HPSE2: variants seen among roughly 807,000 people sequenced by gnomAD.
The protein encoded by HPSE2 is heparanase 2 (inactive).
HPSE2 carries 38 observed loss-of-function variants against 60.5 expected under a neutral mutation model. The ratio of observed to expected loss-of-function variants is 0.63; its 90% CI spans 0.48 to 0.82. The LOEUF (loss-of-function observed/expected upper bound fraction) is 0.82, where lower values mean the gene tolerates loss of function less well. HPSE2 is among the 40% of genes least tolerant of loss of function. The pLI is 0.00. For missense variants in HPSE2, 713 were observed against 740.4 expected (o/e 0.96, Z 0.43); for synonymous variants, 295 against 293.2 (o/e 1.01, Z -0.06).
chr10:98,897,292 T>C (rs1027654129), intron 3 of HPSE2, among the ~76,000 whole-genome samples: 1 of 152,130 alleles, frequency 6.6e-6, no homozygotes, highest in Non-Finnish European at 1.5e-5. Context: ...AAAGAAGTTA[T>C]TCGTGTAACC....
intron 3 of HPSE2, among the ~76,000 whole-genome samples, chr10:98,763,810 T>A (rs1361869488): frequency 2.0e-5 from 3 of 148,908 alleles, no homozygotes; most frequent in Non-Finnish European, 4.4e-5. Flanking sequence ...GAATCCATTG[T>A]GAAGAAACTT....
chr10:98,996,111 G>A (rs945963680), intron 3 of HPSE2, among the ~76,000 whole-genome samples: 3 of 151,942 alleles, frequency 2.0e-5, no homozygotes, highest in African/African-American at 7.3e-5. Flanking sequence ...AAAAACTAAG[G>A]AAACTTAAAT....
At chr10:98,641,713 C>G (rs1373963913) in intron 7 of HPSE2, 134 bp downstream of exon 7, 2 of 758,094 alleles carry the variant, frequency 2.6e-6, no homozygotes, top group Non-Finnish European at 4.8e-6. Flanking sequence ...GTGACCATGC[C>G]CATCTAGACT....
In HPSE2 at chr10:98,940,461, G is replaced by T. The variant is rs1434590155; in HGVS notation, c.611-196405C>A. Among the ~76,000 whole-genome samples, 2 of 141,488 alleles carry T rather than the reference G, an allele frequency of 1.4e-5. 1 individual carries two copies. Among genetic ancestry groups the T allele is most frequent in the Admixed American group, 1.4e-4 (2 of 14,100 alleles). The allele number at this position is 141,488 out of a possible 152,430, so 92.8% of individuals were successfully genotyped here. A position where few individuals can be genotyped will look rare whatever the true frequency, so the allele number is the denominator to read the frequency against. ...CAGAGAATACTACAAACACCTCTAC[G>T]CAAATAAACTAGAAAATCTAGAAGA... is the stretch of plus-strand genomic sequence containing the variant. On this transcript the variant is annotated intron_variant, in intron 3 of 11. Transcript: ENST00000370552.
chr10:98,567,704 T>C (rs193296579), intron 9 of HPSE2, among the ~76,000 whole-genome samples: 1 of 152,024 alleles, frequency 6.6e-6, no homozygotes, highest in Non-Finnish European at 1.5e-5. Context: ...GAATCAATGG[T>C]GATGCCTTGT....
intron 3 of HPSE2, among the ~76,000 whole-genome samples, chr10:98,830,414 A>G (rs113359654): frequency 6.6e-6 from 1 of 152,202 alleles, no homozygotes; most frequent in Non-Finnish European, 1.5e-5. Flanking sequence ...TAGATGCCCT[A>G]TATATCATGC....
rs757870126 is a variant in HPSE2 at position 98,814,227 on chromosome 10, T to A, written c.611-70171A>T. Among the ~76,000 whole-genome samples the A allele has an allele frequency of 4.6e-5, 7 of 151,700 alleles. No homozygotes were observed. The South Asian group carries it at 6.2e-4, about 13-fold the overall frequency. On this transcript the variant is annotated intron_variant, in intron 3 of 11. Coordinates refer to ENST00000370552, the MANE Select transcript of HPSE2 (RefSeq NM_021828.5). Reference sequence around the variant, plus strand: ...GTTTTTAATAAAATTGAAAAAAAAATTTAAAATATTTTATTTTCCAGTTAT... The same window carrying A: ...GTTTTTAATAAAATTGAAAAAAAAAATTAAAATATTTTATTTTCCAGTTAT...
chr10:99,222,746 T>C (rs1047616822), intron 2 of HPSE2, among the ~76,000 whole-genome samples: 1 of 152,208 alleles, frequency 6.6e-6, no homozygotes, highest in Non-Finnish European at 1.5e-5. Flanking sequence ...GGATCAGTTG[T>C]TGTTCTACTC....
chr10:99,094,531 TATATATATA>T (rs1181196178), intron 3 of HPSE2, among the ~76,000 whole-genome samples: 3 of 22,136 alleles, frequency 1.4e-4, no homozygotes, highest in East Asian at 3.6e-3. Flanking sequence ...TATATATATA[TATATATATA>T]TTTTTTTTTT....
At chr10:98,979,028 T>C (rs1357995613) in intron 3 of HPSE2, among the ~76,000 whole-genome samples, 3 of 152,206 alleles carry the variant, frequency 2.0e-5, no homozygotes, top group Non-Finnish European at 4.4e-5. Flanking sequence ...GCCACCGTTT[T>C]TACATTTTTG....
intron 3 of HPSE2, among the ~76,000 whole-genome samples, chr10:99,039,542 T>C (rs760449632): frequency 3.3e-5 from 5 of 150,084 alleles, no homozygotes; most frequent in Admixed American, 6.7e-5. Flanking sequence ...ATATTATATA[T>C]AACATCATAT....
intron 2 of HPSE2, among the ~76,000 whole-genome samples, chr10:99,152,368 G>A (rs1374518765): frequency 6.8e-6 from 1 of 147,424 alleles, no homozygotes; most frequent in Non-Finnish European, 1.5e-5. Context: ...TGCAACACAA[G>A]AAATATTAAA....
At chr10:99,153,279 A>T (rs1433457697) in intron 2 of HPSE2, among the ~76,000 whole-genome samples, 1 of 152,138 alleles carries the variant, frequency 6.6e-6, no homozygotes, top group Non-Finnish European at 1.5e-5. Context: ...CTGCCTCTAT[A>T]GGCTCCACCT....
At chr10:99,173,550 AT>A (rs1847399769) in intron 2 of HPSE2, among the ~76,000 whole-genome samples, 1 of 152,210 alleles carries the variant, frequency 6.6e-6, no homozygotes, top group South Asian at 2.1e-4. Flanking sequence ...AGTAAATTTT[AT>A]TTGTGATACA....
intron 3 of HPSE2, among the ~76,000 whole-genome samples, chr10:98,804,779 G>A (rs755279901): frequency 2.0e-5 from 3 of 152,134 alleles, no homozygotes; most frequent in East Asian, 3.9e-4. Context: ...TCCCATTGCT[G>A]GGTATATACC....
intron 5 of HPSE2, among the ~76,000 whole-genome samples, chr10:98,708,585 G>A (rs1171481669): frequency 6.6e-6 from 1 of 152,088 alleles, no homozygotes; most frequent in Non-Finnish European, 1.5e-5. Context: ...CCATTATTAA[G>A]TATGTGCTCA....
At chr10:98,742,963 C>A (rs1855983) in intron 4 of HPSE2, among the ~76,000 whole-genome samples, 1 of 145,240 alleles carries the variant, frequency 6.9e-6, no homozygotes. Flanking sequence ...TCTTTTTTTT[C>A]CTTTTCTTTT....
chr10:99,149,048 CA>C (rs199604452), intron 2 of HPSE2, among the ~76,000 whole-genome samples: 11 of 149,794 alleles, frequency 7.3e-5, no homozygotes, highest in South Asian at 6.4e-4. Context: ...TATATTTATA[CA>C]AAAAAAAATA....
the HPSE2 span, among the ~76,000 whole-genome samples, chr10:99,273,093 A>G: frequency 6.6e-6 from 1 of 152,246 alleles, no homozygotes; most frequent in Admixed American, 6.5e-5. Flanking sequence ...AGCCATAAAA[A>G]GGAACAAAAT....
Sources: gnomAD v4.1 joint callset for allele counts (sites outside exome capture counted in the v4.1 genomes callset) on GRCh38, gnomAD v4.1.1 for gene constraint, MANE v1.5 for transcripts, NCBI Gene and HGNC (gene_info 2026-07-23, HGNC 2026-07-21) for gene names.